CDH13: variants seen among roughly 807,000 people sequenced by gnomAD.
CDH13 encodes cadherin-13.
Under a neutral mutation model 63.8 loss-of-function variants are expected in CDH13, and 24 were observed. The ratio of observed to expected loss-of-function variants is 0.38; its 90% CI spans 0.27 to 0.53. CDH13 has a LOEUF of 0.53. CDH13 is among the 20% of genes least tolerant of loss of function. The pLI is 0.85. For missense variants in CDH13, 1,049 were observed against 903.1 expected (o/e 1.16, Z -2.07); for synonymous variants, 503 against 355.3 (o/e 1.42, Z -4.67).
At chr16:83,158,311 T>G (rs1443358798) in intron 4 of CDH13, among the ~76,000 whole-genome samples, 1 of 152,230 alleles carries the variant, frequency 6.6e-6, no homozygotes, top group Admixed American at 6.5e-5. Context: ...GCTGCCTCTC[T>G]GAATGTTGTT....
chr16:83,377,169 C>T (rs143249914), intron 6 of CDH13, among the ~76,000 whole-genome samples: 6 of 152,078 alleles, frequency 3.9e-5, no homozygotes, highest in African/African-American at 1.2e-4. Flanking sequence ...ATAAAAGTGA[C>T]AAAATGTTTA....
intron 1 of CDH13, among the ~76,000 whole-genome samples, chr16:82,685,240 C>T (rs2150966620): frequency 6.6e-6 from 1 of 152,312 alleles, no homozygotes; most frequent in East Asian, 1.9e-4. Context: ...GTTCTGGAGG[C>T]TGGGATGTTC....
At chr16:82,904,824 C>T (rs143295392) in intron 2 of CDH13, among the ~76,000 whole-genome samples, 14 of 152,236 alleles carry the variant, frequency 9.2e-5, no homozygotes, top group South Asian at 2.1e-4. Flanking sequence ...TGTGGGCCAC[C>T]GTTTCCCATG....
chr16:83,555,639 A>C (rs181553095), intron 7 of CDH13, among the ~76,000 whole-genome samples: 28 of 152,348 alleles, frequency 1.8e-4, no homozygotes, highest in African/African-American at 6.7e-4. Context: ...ACCAATTGAT[A>C]AGCCCAAGGC....
chr16:83,689,831 C>T (rs1397792649), intron 10 of CDH13, among the ~76,000 whole-genome samples: 1 of 152,188 alleles, frequency 6.6e-6, no homozygotes, highest in Non-Finnish European at 1.5e-5. Context: ...TCATCCCACA[C>T]CTGCAACATA....
chr16:83,579,489 A>G (rs1905348634), intron 7 of CDH13, among the ~76,000 whole-genome samples: 1 of 151,684 alleles, frequency 6.6e-6, no homozygotes, highest in South Asian at 2.1e-4. Flanking sequence ...GAGAAGGGGG[A>G]GGCACTACAC....
At chr16:83,306,230 C>T (rs148739126) in intron 5 of CDH13, among the ~76,000 whole-genome samples, 1 of 152,164 alleles carries the variant, frequency 6.6e-6, no homozygotes, top group African/African-American at 2.4e-5. Flanking sequence ...GGGTAGGTAC[C>T]GTATCTGTGC....
chr16:83,342,008 C>CACAA (rs2090735997), intron 5 of CDH13, among the ~76,000 whole-genome samples: 1 of 151,588 alleles, frequency 6.6e-6, no homozygotes, highest in Admixed American at 6.6e-5. Flanking sequence ...CACACACACA[C>CACAA]ACACACACAC....
intron 4 of CDH13, among the ~76,000 whole-genome samples, chr16:83,193,890 A>G (rs1219854830): frequency 1.3e-5 from 2 of 152,226 alleles, no homozygotes; most frequent in Non-Finnish European, 2.9e-5. Context: ...ATATAAAAAC[A>G]GAATAGAAGT....
chr16:82,815,956 CTG>C (rs1001504097), intron 1 of CDH13, among the ~76,000 whole-genome samples: 2 of 152,152 alleles, frequency 1.3e-5, no homozygotes, highest in African/African-American at 4.8e-5. Context: ...AAATACATAA[CTG>C]TGTTTTATTT....
chr16:83,210,401 A>G (rs1166608305), intron 4 of CDH13, among the ~76,000 whole-genome samples: 1 of 152,074 alleles, frequency 6.6e-6, no homozygotes, highest in East Asian at 1.9e-4. Context: ...CCCCAGTCAG[A>G]TGTGGGTTTG....
intron 7 of CDH13, among the ~76,000 whole-genome samples, chr16:83,544,352 C>T (rs923047100): frequency 1.3e-5 from 2 of 152,040 alleles, no homozygotes; most frequent in African/African-American, 4.8e-5. Flanking sequence ...CCAACATTTC[C>T]TATAGATGCT....
chr16:83,323,301 G>T (rs1266341201), intron 5 of CDH13, among the ~76,000 whole-genome samples: 1 of 130,516 alleles, frequency 7.7e-6, no homozygotes, highest in Non-Finnish European at 1.6e-5. Context: ...TTAAGAGGGA[G>T]TTTCGCTTTT....
At chr16:83,530,767 A>ACTC (rs200286837) in intron 7 of CDH13, among the ~76,000 whole-genome samples, 3,330 of 152,284 alleles carry the variant, frequency 0.022, 56 homozygotes, top group Non-Finnish European at 0.033. Flanking sequence ...CCTGACAAAG[A>ACTC]AGGACTAGCC....
At chr16:83,794,261 T>C (rs1361158038) in intron 13 of CDH13, among the ~76,000 whole-genome samples, 1 of 152,178 alleles carries the variant, frequency 6.6e-6, no homozygotes, top group Non-Finnish European at 1.5e-5. Flanking sequence ...CATACCATGT[T>C]TGGGCCAGGT....
chr16:83,603,011 C>T (rs533604331), intron 8 of CDH13, among the ~76,000 whole-genome samples: 1 of 152,272 alleles, frequency 6.6e-6, no homozygotes, highest in Admixed American at 6.5e-5. Flanking sequence ...TTTCCTAGTC[C>T]ATAACAATGT....
intron 6 of CDH13, among the ~76,000 whole-genome samples, chr16:83,351,480 A>C (rs1010490703): frequency 1.3e-5 from 2 of 152,170 alleles, no homozygotes; most frequent in African/African-American, 4.8e-5. Context: ...ACAGTTTTAC[A>C]GAATGGGAGC....
intron 8 of CDH13, among the ~76,000 whole-genome samples, chr16:83,670,579 C>T (rs1252321105): frequency 6.6e-6 from 1 of 152,168 alleles, no homozygotes; most frequent in Non-Finnish European, 1.5e-5. Flanking sequence ...TCATTGCTGC[C>T]CACATTCTGC....
At chr16:83,365,966 A>T (rs1237220532) in intron 6 of CDH13, among the ~76,000 whole-genome samples, 1 of 152,218 alleles carries the variant, frequency 6.6e-6, no homozygotes, top group Non-Finnish European at 1.5e-5. Context: ...TGAGCCCCTA[A>T]GCAGGAAACC....
Sources: gnomAD v4.1 joint callset for allele counts (sites outside exome capture counted in the v4.1 genomes callset) on GRCh38, gnomAD v4.1.1 for gene constraint, MANE v1.5 for transcripts, NCBI Gene and HGNC (gene_info 2026-07-23, HGNC 2026-07-21) for gene names.